The following BTAF1 variants were observed in gnomAD, a reference collection of about 807,000 sequenced individuals.
The protein encoded by BTAF1 is TATA-binding protein-associated factor 172.
Under a neutral mutation model 227.1 loss-of-function variants are expected in BTAF1, and 38 were observed. The observed-to-expected ratio is 0.17, with a 90% confidence interval of 0.13 to 0.22. The LOEUF (loss-of-function observed/expected upper bound fraction) is 0.22. Among genes scored for constraint, BTAF1 ranks in the 10% least tolerant of loss-of-function variants. The pLI is 1.00. For missense variants in BTAF1, 1,598 were observed against 2,204.0 expected (o/e 0.73, Z 5.51); for synonymous variants, 742 against 751.9 (o/e 0.99, Z 0.21).
At chr10:91,991,888 G>A (rs1348527670) in intron 20 of BTAF1, among the ~76,000 whole-genome samples, 2 of 150,632 alleles carry the variant, frequency 1.3e-5, no homozygotes, top group African/African-American at 4.9e-5. Context: ...ATTTTTTCAT[G>A]TGCTGTTTCT....
Position 91,993,826 on chromosome 10 carries a change from A to G in BTAF1, c.3178A>G (p.Thr1060Ala), listed in dbSNP as rs1290970950. Residue 1060 changes from threonine (T) to alanine (A), a missense_variant, in exon 22 of 38, where the codon ACA becomes GCA. Thr to Ala is a moderately conservative substitution (Grantham distance 58). Around this residue, in one of 10 missense-constraint regions of BTAF1, gnomAD observed 425 missense variants for 491.2 expected, o/e 0.87. Transcript: ENST00000265990. ...TGCTATGGTTGGCCCATTGAGGAAT[A>G]CAATCGACATAAATAATTTTGGTAT... ...WDAMVGPLRN[T>A]IDINNFDGKS... is the part of the protein sequence containing the mutation. The G allele has an allele frequency of 4.4e-6, 7 of 1,596,724 alleles. No individual in the cohort carries two copies. In the East Asian group the frequency reaches 1.1e-4, roughly 26 times the overall value.
intron 33 of BTAF1, among the ~76,000 whole-genome samples, chr10:92,018,427 A>G (rs372638693): frequency 1.1e-4 from 17 of 152,310 alleles, no homozygotes; most frequent in African/African-American, 4.1e-4. Flanking sequence ...TGTATCCAAA[A>G]TGATCCCTGG....
At position 92,013,424 on chromosome 10, in the gene BTAF1, G is replaced by C. The variant is rs549586292; in HGVS notation, c.4312-243G>C. 3.6e-4 allele frequency among the ~76,000 whole-genome samples: 55 copies of C among 152,260 alleles called. 1 individual carries two copies. In the South Asian group the frequency reaches 0.011, roughly 32 times the overall value. On this transcript the variant is annotated intron_variant, in intron 30 of 37. Coordinates refer to ENST00000265990, the MANE Select transcript of BTAF1 (RefSeq NM_003972.3). Reference sequence around the variant, plus strand: ...AATGCCAACAGTAAATTGTAACACTGTGGACCAAGGCTTATTCTAGGGAAG... The same window carrying C: ...AATGCCAACAGTAAATTGTAACACTCTGGACCAAGGCTTATTCTAGGGAAG...
At chr10:92,022,536 G>A (rs763286301) in intron 34 of BTAF1, among the ~76,000 whole-genome samples, 12 of 151,966 alleles carry the variant, frequency 7.9e-5, no homozygotes, top group Non-Finnish European at 1.8e-4. Context: ...TTTCACCTCA[G>A]CCTCCCAAGT....
In BTAF1 at chr10:92,028,979, C is replaced by A; in HGVS notation, c.*46C>A. ...AATTGCTGCTAGTTCAGTTACATTTCTGCTGATATTCAGCAAATTTCTAAG... is the reference window on the plus strand; with the variant it reads ...AATTGCTGCTAGTTCAGTTACATTTATGCTGATATTCAGCAAATTTCTAAG... On this transcript the variant is annotated 3_prime_UTR_variant, in exon 38 of 38. Coordinates refer to ENST00000265990, the MANE Select transcript of BTAF1 (RefSeq NM_003972.3). The A allele has an allele frequency of 6.6e-7, 1 of 1,513,138 alleles. No individual in the cohort carries two copies. Among genetic ancestry groups the A allele is most frequent in the Non-Finnish European group, 8.9e-7 (1 of 1,127,926 alleles). 93.7% of individuals were successfully genotyped at this position (1,513,138 alleles called of 1,614,324 possible). A position where few individuals can be genotyped will look rare whatever the true frequency, so the allele number is the denominator to read the frequency against.
chr10:91,936,862 G>A (rs1461986550), intron 2 of BTAF1, among the ~76,000 whole-genome samples: 1 of 152,176 alleles, frequency 6.6e-6, no homozygotes, highest in African/African-American at 2.4e-5. Context: ...AGCCTTCCCA[G>A]TGAGTTCTGG....
chr10:91,971,944 G>A (rs1040732279), intron 14 of BTAF1, among the ~76,000 whole-genome samples: 1 of 151,630 alleles, frequency 6.6e-6, no homozygotes, highest in Non-Finnish European at 1.5e-5. Context: ...CTTGTTTCAA[G>A]TTTTTGTCAT....
chr10:91,992,097 T>G (rs1848830145), intron 20 of BTAF1, 22 bp from the exon 21 acceptor site: 4 of 1,534,078 alleles, frequency 2.6e-6, no homozygotes, highest in Admixed American at 4.0e-5. Context: ...ATTAAAAGGT[T>G]GTTTAACTTT....
At chr10:91,941,281 T>C (rs763853205) in intron 3 of BTAF1, among the ~76,000 whole-genome samples, 5 of 152,236 alleles carry the variant, frequency 3.3e-5, no homozygotes, top group Non-Finnish European at 7.3e-5. Flanking sequence ...CGCATTAAGC[T>C]AGCATTAAAT....
chr10:91,980,349 C>T, intron 14 of BTAF1, 105 bp from the exon 15 acceptor site: 1 of 788,706 alleles, frequency 1.3e-6, no homozygotes. Context: ...TGAAACCATG[C>T]AGTCTTTTCA....
chr10:91,975,842 G>A (rs1410899435), intron 14 of BTAF1, among the ~76,000 whole-genome samples: 1 of 152,192 alleles, frequency 6.6e-6, no homozygotes, highest in Non-Finnish European at 1.5e-5. Flanking sequence ...GGGATCTATG[G>A]CTGAGCCATT....
intron 30 of BTAF1, among the ~76,000 whole-genome samples, chr10:92,012,770 C>A (rs1241122230): frequency 6.7e-3 from 620 of 92,524 alleles, no homozygotes; most frequent in African/African-American, 0.022. Flanking sequence ...GACTCTGTCT[C>A]AAAAAAAAAA....
At chr10:91,997,266 A>G in intron 24 of BTAF1, 5 of 729,654 alleles carry the variant, frequency 6.9e-6, no homozygotes, top group South Asian at 3.2e-5. Context: ...TTTACTTACA[A>G]TGTGACTTAT....
At chr10:91,958,209 C>T (rs1019478208) in intron 8 of BTAF1, among the ~76,000 whole-genome samples, 10 of 152,114 alleles carry the variant, frequency 6.6e-5, no homozygotes, top group Non-Finnish European at 1.0e-4. Flanking sequence ...CCACCACACC[C>T]GGCTACTTTT....
intron 1 of BTAF1, among the ~76,000 whole-genome samples, chr10:91,927,032 C>T (rs907566261): frequency 6.6e-6 from 1 of 152,106 alleles, no homozygotes; most frequent in African/African-American, 2.4e-5. Context: ...CTTCTATCCT[C>T]CACCCTCCCC....
chr10:91,941,767 G>A (rs1438638406), intron 3 of BTAF1, among the ~76,000 whole-genome samples: 1 of 152,192 alleles, frequency 6.6e-6, no homozygotes, highest in East Asian at 1.9e-4. Context: ...ACAGTAAGTA[G>A]AGACAGCATG....
chr10:91,972,284 T>C lies in BTAF1; in HGVS notation c.1650+5527T>C, dbSNP rs547653565. Reference sequence around the variant, plus strand: ...TGTATACTCTGGAGTCAAGAACATTTTCTAAATCCACTCCTGTATCCTAAG... The same window carrying C: ...TGTATACTCTGGAGTCAAGAACATTCTCTAAATCCACTCCTGTATCCTAAG... On this transcript the variant is annotated intron_variant, in intron 14 of 37. Coordinates refer to ENST00000265990, the MANE Select transcript of BTAF1 (RefSeq NM_003972.3). 2.1e-4 allele frequency among the ~76,000 whole-genome samples: 32 copies of C among 152,332 alleles called. 1 individual carries two copies. The South Asian group carries it at 6.4e-3, about 31-fold the overall frequency.
intron 13 of BTAF1, among the ~76,000 whole-genome samples, chr10:91,965,081 C>A (rs1846802712): frequency 6.6e-6 from 1 of 151,952 alleles, no homozygotes; most frequent in Non-Finnish European, 1.5e-5. Context: ...TACTTTAATG[C>A]TAAGTTTAGA....
intron 25 of BTAF1, among the ~76,000 whole-genome samples, chr10:92,000,191 T>C (rs1195576064): frequency 6.6e-6 from 1 of 152,218 alleles, no homozygotes; most frequent in Non-Finnish European, 1.5e-5. Flanking sequence ...TCCAGAATTG[T>C]TTTCATCCTC....
Sources: gnomAD v4.1 joint callset for allele counts (sites outside exome capture counted in the v4.1 genomes callset) on GRCh38, gnomAD v4.1.1 for gene constraint, gnomAD v4.1.1 regional missense constraint, MANE v1.5 for transcripts, NCBI Gene and HGNC (gene_info 2026-07-23, HGNC 2026-07-21) for gene names.